Variants in GRID2 observed in about 807,000 individuals in gnomAD.
The protein encoded by GRID2 is glutamate receptor ionotropic, delta-2.
Under a neutral mutation model 114.8 loss-of-function variants are expected in GRID2, and 33 were observed. That is an observed-to-expected ratio of 0.29 (90% CI 0.22 to 0.38). GRID2 has a LOEUF of 0.38. Among genes scored for constraint, GRID2 ranks in the 10% least tolerant of loss-of-function variants. GRID2 has a pLI of 1.00. For synonymous variants in GRID2, 505 were observed against 449.9 expected (o/e 1.12, Z -1.55); for missense variants, 1,184 against 1,257.7 (o/e 0.94, Z 0.89).
intron 8 of GRID2, among the ~76,000 whole-genome samples, chr4:93,298,772 T>G (rs1005021184): frequency 6.6e-6 from 1 of 152,248 alleles, no homozygotes. Context: ...CATGTACCTT[T>G]GCTTTGCAGC....
At chr4:93,135,738 A>G (rs887502783) in intron 4 of GRID2, among the ~76,000 whole-genome samples, 1 of 152,178 alleles carries the variant, frequency 6.6e-6, no homozygotes, top group Non-Finnish European at 1.5e-5. Flanking sequence ...TGGCATCAGG[A>G]AAATATTTTG....
intron 2 of GRID2, among the ~76,000 whole-genome samples, chr4:92,866,240 C>T (rs1303997887): frequency 2.0e-5 from 3 of 152,078 alleles, no homozygotes; most frequent in Non-Finnish European, 4.4e-5. Context: ...ACATAGATGG[C>T]CTTACTTGTT....
At chr4:93,750,795 A>C (rs1456295381) in intron 14 of GRID2, among the ~76,000 whole-genome samples, 1 of 152,214 alleles carries the variant, frequency 6.6e-6, no homozygotes, top group Admixed American at 6.5e-5. Flanking sequence ...GCATCGAGAC[A>C]CATTTTATAA....
intron 8 of GRID2, among the ~76,000 whole-genome samples, chr4:93,268,993 T>C: frequency 6.6e-6 from 1 of 152,214 alleles, no homozygotes; most frequent in South Asian, 2.1e-4. Flanking sequence ...CATAAAATTA[T>C]GATAATGACT....
chr4:92,671,403 C>G (rs918194810), intron 2 of GRID2, among the ~76,000 whole-genome samples: 8 of 152,096 alleles, frequency 5.3e-5, no homozygotes, highest in Admixed American at 5.2e-4. Flanking sequence ...AATACCCACT[C>G]TAGATTCAAG....
chr4:92,811,863 C>T (rs745698227), intron 2 of GRID2, among the ~76,000 whole-genome samples: 6 of 152,020 alleles, frequency 3.9e-5, no homozygotes, highest in African/African-American at 7.2e-5. Context: ...AAAATCGTGA[C>T]GTACTTCTTT....
intron 14 of GRID2, among the ~76,000 whole-genome samples, chr4:93,709,740 T>C (rs1400055927): frequency 1.3e-5 from 2 of 152,228 alleles, no homozygotes; most frequent in Admixed American, 6.5e-5. Context: ...GGCTATTTTC[T>C]GTATCTCTTA....
rs567245929 is a variant in GRID2 at position 93,446,687 on chromosome 4, G to A, written c.1546-8975G>A. Among the ~76,000 whole-genome samples the A allele has an allele frequency of 2.6e-5, 4 of 152,014 alleles. No homozygotes were observed. The East Asian group carries it at 7.8e-4, about 30-fold the overall frequency. Reference sequence around the variant, plus strand: ...AAACAGACTCCAGCAATTTTCACATGAAATTGTAAGTTTGAATTTCTATGT... The same window carrying A: ...AAACAGACTCCAGCAATTTTCACATAAAATTGTAAGTTTGAATTTCTATGT... On this transcript the variant is annotated intron_variant, in intron 10 of 15. Coordinates refer to ENST00000282020, the MANE Select transcript of GRID2 (RefSeq NM_001510.4).
At chr4:92,620,335 C>T (rs539097266) in intron 2 of GRID2, among the ~76,000 whole-genome samples, 1 of 151,736 alleles carries the variant, frequency 6.6e-6, no homozygotes, top group East Asian at 1.9e-4. Flanking sequence ...AGTCAGCAGT[C>T]TTGTAATAGT....
At chr4:93,101,479 A>G (rs748978853) in intron 3 of GRID2, among the ~76,000 whole-genome samples, 1 of 151,908 alleles carries the variant, frequency 6.6e-6, no homozygotes, top group African/African-American at 2.4e-5. Flanking sequence ...CATGAATTTC[A>G]CTTTTATATG....
At chr4:93,437,527 A>C (rs919055779) in intron 10 of GRID2, among the ~76,000 whole-genome samples, 2 of 152,158 alleles carry the variant, frequency 1.3e-5, no homozygotes, top group African/African-American at 4.8e-5. Flanking sequence ...ACAGAGTATG[A>C]GTAGAAGACA....
chr4:92,889,374 A>G (rs1746586897), intron 2 of GRID2, among the ~76,000 whole-genome samples: 2 of 152,126 alleles, frequency 1.3e-5, no homozygotes, highest in Non-Finnish European at 2.9e-5. Flanking sequence ...AACCCCATCC[A>G]TCGTCTCAGC....
chr4:92,954,906 A>G (rs941693277), intron 2 of GRID2, among the ~76,000 whole-genome samples: 1 of 136,532 alleles, frequency 7.3e-6, no homozygotes, highest in Non-Finnish European at 1.5e-5. Flanking sequence ...GAGAATGATG[A>G]TTTCCAATTT....
chr4:92,942,054 G>T (rs1751184906), intron 2 of GRID2, among the ~76,000 whole-genome samples: 1 of 152,130 alleles, frequency 6.6e-6, no homozygotes, highest in Non-Finnish European at 1.5e-5. Flanking sequence ...TGTTAATTTG[G>T]GGTGGAGCGT....
chr4:92,518,081 C>CT (rs746655241), intron 1 of GRID2, among the ~76,000 whole-genome samples: 1 of 151,930 alleles, frequency 6.6e-6, no homozygotes, highest in East Asian at 1.9e-4. Flanking sequence ...TTTCTACAAT[C>CT]TTATAATGAG....
intron 1 of GRID2, among the ~76,000 whole-genome samples, chr4:92,330,762 G>A (rs1726844828): frequency 1.3e-5 from 2 of 151,904 alleles, no homozygotes; most frequent in South Asian, 4.1e-4. Context: ...CATATAGCCT[G>A]TGAATTACAG....
At chr4:92,530,402 C>A (rs1725277417) in intron 1 of GRID2, among the ~76,000 whole-genome samples, 1 of 150,442 alleles carries the variant, frequency 6.6e-6, no homozygotes, top group Non-Finnish European at 1.5e-5. Context: ...TATTAAAAAT[C>A]ACCCTAACGT....
intron 14 of GRID2, among the ~76,000 whole-genome samples, chr4:93,697,869 G>GTATATATATATATATATATTTGAAA (rs749542291): frequency 1.6e-5 from 2 of 122,658 alleles, no homozygotes; most frequent in South Asian, 5.6e-4. Context: ...CACAATGTGT[G>GTATATATATATATATATATTTGAAA]TATATATATA....
intron 8 of GRID2, among the ~76,000 whole-genome samples, chr4:93,303,891 A>G (rs1263557593): frequency 6.6e-6 from 1 of 152,116 alleles, no homozygotes; most frequent in Non-Finnish European, 1.5e-5. Flanking sequence ...CCATTTCATA[A>G]AACAAATATT....
Sources: allele counts gnomAD v4.1 joint callset (sites outside exome capture counted in the v4.1 genomes callset), GRCh38; gene constraint gnomAD v4.1.1; transcripts MANE v1.5; gene names NCBI Gene and HGNC (gene_info 2026-07-23, HGNC 2026-07-21).